The following TDP2 variants were observed in gnomAD, a reference collection of about 807,000 sequenced individuals.
TDP2 encodes 5'-Tyr-DNA phosphodiesterase.
Under a neutral mutation model 42.8 loss-of-function variants are expected in TDP2, and 38 were observed. The ratio of observed to expected loss-of-function variants is 0.89; its 90% CI spans 0.68 to 1.16. TDP2 has a LOEUF of 1.16. TDP2 is among the 50% of genes most tolerant of loss of function. TDP2 has a pLI of 0.00. For synonymous variants in TDP2, 173 were observed against 150.6 expected, an observed-to-expected ratio of 1.15 and a Z score of -1.09; for missense variants, 439 against 439.3, an observed-to-expected ratio of 1.00 and a Z score of 0.01.
intron 4 of TDP2, among the ~76,000 whole-genome samples, chr6:24,655,153 A>ATGAAC (rs1256282275): frequency 1.2e-4 from 19 of 152,250 alleles, no homozygotes; most frequent in Non-Finnish European, 2.1e-4. Flanking sequence ...AGTAGATGAG[A>ATGAAC]TGAACTGTGG....
chr6:24,660,006 G>C (rs1310667663), intron 2 of TDP2, among the ~76,000 whole-genome samples: 2 of 152,162 alleles, frequency 1.3e-5, no homozygotes, highest in Non-Finnish European at 2.9e-5. Context: ...AGACATATGA[G>C]TGGAGGGACA....
At chr6:24,658,836 A>C in intron 2 of TDP2, 102 bp from the exon 3 acceptor site, 1 of 1,226,526 alleles carries the variant, frequency 8.2e-7, no homozygotes, top group Non-Finnish European at 1.1e-6. Context: ...ATTTTAAAAG[A>C]GCCCTAAAAG....
intron 5 of TDP2, among the ~76,000 whole-genome samples, chr6:24,653,494 T>A (rs983703363): frequency 2.0e-5 from 3 of 152,216 alleles, no homozygotes; most frequent in Admixed American, 2.0e-4. Context: ...AGGACAATTA[T>A]TTCCCTCCTA....
intron 2 of TDP2, chr6:24,666,204 A>T: frequency 1.9e-6 from 3 of 1,550,330 alleles, no homozygotes; most frequent in Non-Finnish European, 2.6e-6. Flanking sequence ...ATTTTTCGAT[A>T]GAAGGTTTAG....
At chr6:24,660,236 C>A (rs760242481) in intron 2 of TDP2, among the ~76,000 whole-genome samples, 12 of 152,122 alleles carry the variant, frequency 7.9e-5, no homozygotes, top group African/African-American at 2.9e-4. Context: ...TTCCTAAACA[C>A]GAAGACATGC....
At chr6:24,662,862 A>G (rs1043215386) in intron 2 of TDP2, among the ~76,000 whole-genome samples, 6 of 152,240 alleles carry the variant, frequency 3.9e-5, no homozygotes, top group African/African-American at 1.4e-4. Flanking sequence ...TTTTATGAAA[A>G]GCATTAAAAC....
intron 2 of TDP2, 73 bp downstream of exon 2, chr6:24,666,453 C>A (rs572757620): frequency 9.9e-5 from 151 of 1,528,462 alleles, no homozygotes; most frequent in South Asian, 8.7e-4. Context: ...CACGGCAGGT[C>A]CCAGGACGCG....
At chr6:24,651,718 C>G (rs1434223413) in intron 6 of TDP2, among the ~76,000 whole-genome samples, 3 of 152,082 alleles carry the variant, frequency 2.0e-5, no homozygotes, top group Admixed American at 6.5e-5. Flanking sequence ...TTCTGCATAG[C>G]TGGGATCACA....
chr6:24,662,410 T>G (rs1204025041), intron 2 of TDP2, among the ~76,000 whole-genome samples: 1 of 152,174 alleles, frequency 6.6e-6, no homozygotes. Flanking sequence ...AGGTGAGACA[T>G]GCTGGCGGCA....
intron 4 of TDP2, among the ~76,000 whole-genome samples, chr6:24,655,340 G>C (rs1293525624): frequency 6.6e-6 from 1 of 152,174 alleles, no homozygotes; most frequent in East Asian, 1.9e-4. Flanking sequence ...GTGGTAACCG[G>C]TTTATCAGAA....
intron 2 of TDP2, chr6:24,665,992 A>G: frequency 7.6e-7 from 1 of 1,310,586 alleles, no homozygotes; most frequent in Non-Finnish European, 9.9e-7. Flanking sequence ...GGCAGGTTCT[A>G]AGTTATGGAG....
intron 6 of TDP2, among the ~76,000 whole-genome samples, chr6:24,652,483 A>C (rs1025426577): frequency 2.6e-5 from 4 of 152,178 alleles, no homozygotes; most frequent in African/African-American, 9.7e-5. Context: ...AGGCAGGGAG[A>C]AAGAGACTTT....
rs762016194 is a variant in TDP2, at chr6:24,666,845, G to A, written c.18C>T (p.Cys6=). The part of the protein sequence containing the change: MELGS[C]LEGGREAAEE... ...CCGCCGCCTCCCTCCCGCCCTCCAGGCAACTCCCCAACTCCATCTTCCTGC... is the reference window on the plus strand; with the variant it reads ...CCGCCGCCTCCCTCCCGCCCTCCAGACAACTCCCCAACTCCATCTTCCTGC... Residue 6 remains cysteine, a synonymous_variant, in exon 1 of 7, where the codon TGC becomes TGT. Transcript: ENST00000378198. 40 of 1,613,826 alleles carry A rather than the reference G, an allele frequency of 2.5e-5. No homozygotes were observed. Among genetic ancestry groups the A allele is most frequent in the Non-Finnish European group, 3.2e-5 (38 of 1,180,026 alleles).
chr6:24,662,626 G>A (rs910927691), intron 2 of TDP2, among the ~76,000 whole-genome samples: 8 of 151,558 alleles, frequency 5.3e-5, no homozygotes, highest in Non-Finnish European at 1.2e-4. Flanking sequence ...AATACTGAGG[G>A]AACTCAGAGA....
In TDP2 at chr6:24,658,544, GAAGTGATA is replaced by G; in HGVS notation, c.425+9_425+16del. The G allele has an allele frequency of 1.3e-6, 2 of 1,592,404 alleles. No homozygotes were observed. The highest frequency in any genetic ancestry group is 1.7e-6 in the Non-Finnish European group (2 of 1,167,820). On this transcript the variant is annotated intron_variant, in intron 3 of 6. Coordinates refer to ENST00000378198, the MANE Select transcript of TDP2 (RefSeq NM_016614.3). ...ACATAAGACACATTACTATTAAATAGAAGTGATAATACTTACAAAGCTAAGTAGGAACA... is the reference window on the plus strand; with the variant it reads ...ACATAAGACACATTACTATTAAATAGATACTTACAAAGCTAAGTAGGAACA...
intron 6 of TDP2, 65 bp from the exon 7 acceptor site, chr6:24,651,134 A>G (rs1777968578): frequency 3.0e-6 from 4 of 1,342,464 alleles, no homozygotes; most frequent in Non-Finnish European, 3.0e-6. Context: ...TAAAAAAAAA[A>G]AAAAAAAGGT....
intron 4 of TDP2, 109 bp downstream of exon 4, chr6:24,657,703 A>C: frequency 2.0e-6 from 1 of 495,500 alleles, no homozygotes; most frequent in Middle Eastern, 5.4e-4. Context: ...TCTCAAACTT[A>C]TTTATTTGTG....
intron 2 of TDP2, among the ~76,000 whole-genome samples, chr6:24,663,070 C>T (rs139320518): frequency 2.0e-5 from 3 of 152,296 alleles, no homozygotes; most frequent in Non-Finnish European, 4.4e-5. Context: ...ACTGTAAACA[C>T]AACCCCTACT....
intron 5 of TDP2, among the ~76,000 whole-genome samples, chr6:24,653,562 A>T (rs767575017): frequency 9.9e-5 from 15 of 152,236 alleles, no homozygotes; most frequent in Non-Finnish European, 1.5e-4. Context: ...TGTATTATTA[A>T]GGGCCTGGCA....
Sources: gnomAD v4.1 joint callset for allele counts (sites outside exome capture counted in the v4.1 genomes callset) on GRCh38, gnomAD v4.1.1 for gene constraint, MANE v1.5 for transcripts, NCBI Gene and HGNC (gene_info 2026-07-23, HGNC 2026-07-21) for gene names.